TMEM232: variants seen among roughly 807,000 people sequenced by gnomAD.
The protein encoded by TMEM232 is transmembrane protein 232.
Under a neutral mutation model 78.8 loss-of-function variants are expected in TMEM232, and 80 were observed. That is an observed-to-expected ratio of 1.01 (90% CI 0.85 to 1.22). The LOEUF is 1.22. Among genes scored for constraint, TMEM232 ranks in the 50% most tolerant of loss-of-function variants. The pLI is 0.00. For synonymous variants in TMEM232, 297 were observed against 254.3 expected (o/e 1.17, Z -1.60); for missense variants, 881 against 742.2 (o/e 1.19, Z -2.17).
At chr5:110,447,700 G>T (rs189060048) in intron 12 of TMEM232, among the ~76,000 whole-genome samples, 4 of 152,000 alleles carry the variant, frequency 2.6e-5, no homozygotes, top group African/African-American at 7.2e-5. Flanking sequence ...GCTGAAAGTC[G>T]CAAGAATAGA....
chr5:110,632,971 A>G (rs1330849699), intron 5 of TMEM232, among the ~76,000 whole-genome samples: 2 of 152,154 alleles, frequency 1.3e-5, no homozygotes, highest in Non-Finnish European at 2.9e-5. Context: ...ATAAAGAAAA[A>G]ATTCTAAAAG....
Position 110,627,794 on chromosome 5 carries a change from T to G in TMEM232, c.588A>C (p.Gln196His). Reference sequence around the variant, plus strand: ...AAGATATTCTACCGTATAAATATGGTTGAAGCCTAAGTAAATGTTGTTTAA... The same window carrying G: ...AAGATATTCTACCGTATAAATATGGGTGAAGCCTAAGTAAATGTTGTTTAA... ...ESFKQHLLRL[Q>H]PYLYALSFSG... Residue 196 changes from glutamine (Q) to histidine (H), a missense_variant, in exon 6 of 14, where the codon CAA becomes CAC. Transcript: ENST00000455884. 3 of 1,518,450 alleles carry G rather than the reference T, an allele frequency of 2.0e-6. No individual in the cohort carries two copies. Among genetic ancestry groups the G allele is most frequent in the Non-Finnish European group, 2.7e-6 (3 of 1,131,808 alleles). 94.1% of individuals were successfully genotyped at this position (1,518,450 alleles called of 1,614,324 possible). A position where few individuals can be genotyped will look rare whatever the true frequency, so the allele number is the denominator to read the frequency against.
intron 12 of TMEM232, among the ~76,000 whole-genome samples, chr5:110,516,677 C>A (rs887116136): frequency 4.6e-5 from 7 of 151,832 alleles, no homozygotes; most frequent in African/African-American, 1.7e-4. Flanking sequence ...AAGTAAAAAA[C>A]ATTCAACATA....
chr5:110,669,837 C>T (rs1171181818), intron 1 of TMEM232, among the ~76,000 whole-genome samples: 2 of 152,296 alleles, frequency 1.3e-5, no homozygotes, highest in East Asian at 3.9e-4. Context: ...ATACGCAAAT[C>T]AATAAACATA....
At chr5:110,426,471 C>A (rs1268633063) in intron 12 of TMEM232, among the ~76,000 whole-genome samples, 1 of 151,996 alleles carries the variant, frequency 6.6e-6, no homozygotes, top group Non-Finnish European at 1.5e-5. Flanking sequence ...ATTTTCCAAG[C>A]CATCAGTAAG....
chr5:110,507,247 G>T (rs1406847603), intron 12 of TMEM232, among the ~76,000 whole-genome samples: 2 of 152,138 alleles, frequency 1.3e-5, no homozygotes, highest in Non-Finnish European at 2.9e-5. Flanking sequence ...CTTTTGATAT[G>T]CATGCACTTG....
intron 2 of TMEM232, among the ~76,000 whole-genome samples, chr5:110,655,042 A>G (rs1162885730): frequency 1.3e-5 from 2 of 152,174 alleles, no homozygotes; most frequent in Non-Finnish European, 2.9e-5. Flanking sequence ...ACAAAAGCCA[A>G]AATTGACAAA....
chr5:110,443,370 T>C (rs868610710), intron 12 of TMEM232, among the ~76,000 whole-genome samples: 6 of 152,290 alleles, frequency 3.9e-5, no homozygotes, highest in African/African-American at 9.6e-5. Flanking sequence ...CTAATACCAC[T>C]GGCCCATGGG....
chr5:110,667,695 C>T (rs770344014), intron 1 of TMEM232: 12 of 160,862 alleles, frequency 7.5e-5, no homozygotes, highest in Non-Finnish European at 1.6e-4. Flanking sequence ...GCTTCCTCAC[C>T]TGTAAAATGA....
At chr5:110,526,360 T>C (rs1236889965) in intron 12 of TMEM232, among the ~76,000 whole-genome samples, 1 of 151,504 alleles carries the variant, frequency 6.6e-6, no homozygotes, top group Non-Finnish European at 1.5e-5. Context: ...AGTCCCAGGT[T>C]TTTGTATAGA....
chr5:110,595,651 C>T (rs1379434432), intron 10 of TMEM232, among the ~76,000 whole-genome samples: 5 of 151,956 alleles, frequency 3.3e-5, no homozygotes, highest in African/African-American at 4.8e-5. Flanking sequence ...ATAGCTGAAT[C>T]GATCAAGTGG....
intron 11 of TMEM232, among the ~76,000 whole-genome samples, chr5:110,555,190 CT>C (rs1345201771): frequency 2.0e-5 from 3 of 152,044 alleles, no homozygotes. Context: ...TAGCTATGTT[CT>C]AGAGATTCTG....
intron 1 of TMEM232, among the ~76,000 whole-genome samples, chr5:110,677,579 T>C (rs1792182913): frequency 6.6e-6 from 1 of 152,196 alleles, no homozygotes; most frequent in Non-Finnish European, 1.5e-5. Flanking sequence ...CATCGTATTA[T>C]TTGATGGAAT....
chr5:110,664,904 C>T (rs1790353691), intron 2 of TMEM232, among the ~76,000 whole-genome samples: 1 of 152,196 alleles, frequency 6.6e-6, no homozygotes, highest in Non-Finnish European at 1.5e-5. Context: ...TTTGTTAACT[C>T]CAGGGCTTTT....
At chr5:110,683,431 G>C (rs978123284) in intron 1 of TMEM232, among the ~76,000 whole-genome samples, 2 of 151,616 alleles carry the variant, frequency 1.3e-5, no homozygotes, top group African/African-American at 4.8e-5. Flanking sequence ...TATATAGAGA[G>C]AGAGTACATG....
At chr5:110,504,368 A>G (rs1766623749) in intron 12 of TMEM232, among the ~76,000 whole-genome samples, 1 of 152,218 alleles carries the variant, frequency 6.6e-6, no homozygotes. Context: ...CTGATACGGG[A>G]ATAGAAGACA....
chr5:110,468,364 C>G (rs1762320015), intron 12 of TMEM232, among the ~76,000 whole-genome samples: 1 of 151,868 alleles, frequency 6.6e-6, no homozygotes, highest in Non-Finnish European at 1.5e-5. Flanking sequence ...CGCTTAAAAA[C>G]ATTACATGAA....
At chr5:110,593,655 G>C (rs531518699) in intron 10 of TMEM232, among the ~76,000 whole-genome samples, 1 of 152,198 alleles carries the variant, frequency 6.6e-6, no homozygotes, top group East Asian at 1.9e-4. Context: ...GTAGAATGAT[G>C]GTTACTAGAG....
chr5:110,516,200 C>T (rs1768614884), intron 12 of TMEM232, among the ~76,000 whole-genome samples: 1 of 152,128 alleles, frequency 6.6e-6, no homozygotes, highest in Admixed American at 6.5e-5. Flanking sequence ...GATCGCGCCA[C>T]TGCACTTCAG....
Sources: allele counts gnomAD v4.1 joint callset (sites outside exome capture counted in the v4.1 genomes callset), GRCh38; gene constraint gnomAD v4.1.1; transcripts MANE v1.5; gene names NCBI Gene and HGNC (gene_info 2026-07-23, HGNC 2026-07-21).